The following NRF1 variants were observed in gnomAD, a reference collection of about 807,000 sequenced individuals.
NRF1 encodes the protein alpha palindromic-binding protein.
Under a neutral mutation model 58.5 loss-of-function variants are expected in NRF1, and 5 were observed. The observed-to-expected ratio is 0.09, with a 90% CI of 0.04 to 0.18. The LOEUF is 0.18. Ranked by LOEUF, NRF1 falls within the 10% of genes least tolerant of loss-of-function variation. NRF1 has a pLI of 1.00. For synonymous variants in NRF1, 224 were observed against 246.7 expected (o/e 0.91, Z 0.86); for missense variants, 288 against 657.7 (o/e 0.44, Z 6.15).
chr7:129,751,466 C>A (rs566326862), intron 10 of NRF1, among the ~76,000 whole-genome samples: 1 of 152,220 alleles, frequency 6.6e-6, no homozygotes, highest in African/African-American at 2.4e-5. Flanking sequence ...GAAAATCTTC[C>A]GTGATACTAT....
intron 4 of NRF1, among the ~76,000 whole-genome samples, chr7:129,684,831 G>A (rs550681325): frequency 3.6e-4 from 55 of 152,340 alleles, no homozygotes; most frequent in Middle Eastern, 6.8e-3. Context: ...CAAGGTATGA[G>A]ATAAGGATTC....
intron 10 of NRF1, among the ~76,000 whole-genome samples, chr7:129,736,805 G>C (rs1439203734): frequency 2.0e-5 from 3 of 150,000 alleles, no homozygotes; most frequent in Non-Finnish European, 3.0e-5. Flanking sequence ...ATTTAACTTT[G>C]TAGATACCTG....
At chr7:129,717,122 T>G in intron 8 of NRF1, 97 bp from the exon 9 acceptor site, 1 of 1,195,004 alleles carries the variant, frequency 8.4e-7, no homozygotes, top group Non-Finnish European at 1.2e-6. Context: ...AAAGAGTATG[T>G]GTATTTAGCC....
Position 129,704,872 on chromosome 7 carries a change from T to C in NRF1, c.607-4203T>C, listed in dbSNP as rs144854315. ...ATCTCTCCAGATTAAGGATTAAAAC[T>C]GTGCTGGATTAAAGCCATGATGTTT... On this transcript the variant is annotated intron_variant, in intron 5 of 10. Coordinates refer to ENST00000393232, the MANE Select transcript of NRF1 (RefSeq NM_005011.5). 3.4e-4 allele frequency among the ~76,000 whole-genome samples: 52 copies of C among 152,364 alleles called. 1 individual carries two copies. In the East Asian group the frequency reaches 8.5e-3, roughly 25 times the overall value.
intron 10 of NRF1, among the ~76,000 whole-genome samples, chr7:129,734,273 G>A (rs569420301): frequency 6.6e-6 from 1 of 152,232 alleles, no homozygotes; most frequent in Non-Finnish European, 1.5e-5. Context: ...TTAACACATA[G>A]GGAAGCTGAG....
chr7:129,673,609 C>A (rs1178992393), intron 3 of NRF1, among the ~76,000 whole-genome samples: 1 of 144,178 alleles, frequency 6.9e-6, no homozygotes, highest in Non-Finnish European at 1.5e-5. Context: ...CCCAGCTACT[C>A]GGGAGGCTGA....
chr7:129,708,335 T>C (rs1802998478), intron 5 of NRF1, among the ~76,000 whole-genome samples: 1 of 152,250 alleles, frequency 6.6e-6, no homozygotes, highest in Non-Finnish European at 1.5e-5. Flanking sequence ...GCAGTTGTCT[T>C]TGTGGTTTAA....
chr7:129,637,902 C>T (rs1402641475), intron 1 of NRF1, among the ~76,000 whole-genome samples: 1 of 149,648 alleles, frequency 6.7e-6, no homozygotes, highest in Non-Finnish European at 1.5e-5. Context: ...CATCAGCTAT[C>T]GTTAGTGTTA....
chr7:129,701,968 A>G (rs1169651930), intron 5 of NRF1, among the ~76,000 whole-genome samples: 1 of 152,200 alleles, frequency 6.6e-6, no homozygotes, highest in African/African-American at 2.4e-5. Context: ...CAAGTTATAA[A>G]ATAGTGTACA....
chr7:129,664,974 TA>T (rs1451349573), intron 2 of NRF1, among the ~76,000 whole-genome samples: 1 of 152,070 alleles, frequency 6.6e-6, no homozygotes, highest in Non-Finnish European at 1.5e-5. Flanking sequence ...TAAAGTAAAA[TA>T]ATTTGAGAAA....
rs1190384886 is a variant in NRF1 at position 129,741,906 on chromosome 7, G to A, written c.1349-13112G>A. On this transcript the variant is annotated intron_variant, in intron 10 of 10. Transcript: ENST00000393232. This position sits in a 1 kb window ranked among gnomAD's most constrained non-coding sequence, Gnocchi z 4.0. ...CAGCAGCAGCAGCCTGGCAGAAGCA[G>A]TAATCTGAACAGGATAAACATGCTT... Among the ~76,000 whole-genome samples the A allele has an allele frequency of 6.6e-6, 1 of 152,210 alleles. No individual in the cohort carries two copies. Among genetic ancestry groups the A allele is most frequent in the Admixed American group, 6.5e-5 (1 of 15,286 alleles).
At chr7:129,737,119 T>C (rs1803732529) in intron 10 of NRF1, among the ~76,000 whole-genome samples, 1 of 152,206 alleles carries the variant, frequency 6.6e-6, no homozygotes, top group Non-Finnish European at 1.5e-5. Context: ...TATGTTGGAG[T>C]GCACAGTACT....
intron 5 of NRF1, among the ~76,000 whole-genome samples, chr7:129,694,296 G>A (rs544976910): frequency 1.3e-5 from 2 of 152,228 alleles, no homozygotes; most frequent in South Asian, 4.2e-4. Context: ...CCCCCTCAAC[G>A]TTTTATTGTT....
At chr7:129,733,693 T>A (rs1803639701) in intron 10 of NRF1, among the ~76,000 whole-genome samples, 1 of 152,168 alleles carries the variant, frequency 6.6e-6, no homozygotes, top group East Asian at 1.9e-4. Context: ...TCCTTTATAT[T>A]CTTTTGATTT....
At chr7:129,703,991 A>G (rs1280735153) in intron 5 of NRF1, among the ~76,000 whole-genome samples, 1 of 151,922 alleles carries the variant, frequency 6.6e-6, no homozygotes, top group African/African-American at 2.4e-5. Flanking sequence ...CTTTCCTCTA[A>G]TTATGGTTAC....
chr7:129,614,443 TTGTGTG>T (rs56403369), intron 1 of NRF1, among the ~76,000 whole-genome samples: 11 of 145,746 alleles, frequency 7.5e-5, no homozygotes, highest in Admixed American at 2.7e-4. Context: ...AAATATGTAT[TTGTGTG>T]TGTGTGTGTG....
chr7:129,643,660 C>T (rs1157739331), intron 1 of NRF1, among the ~76,000 whole-genome samples: 1 of 152,196 alleles, frequency 6.6e-6, no homozygotes, highest in East Asian at 1.9e-4. Flanking sequence ...TTCTGGTAAG[C>T]GTCTACATAT....
chr7:129,690,480 G>A lies in NRF1; in HGVS notation c.540G>A (p.Glu180=), dbSNP rs1160405840. ...CAGAACACGCCCCTGCGCCACAGGA[G>A]GTTAACTCAGAACTGCCGCCTCTCA... ...ALAEHAPAPQ[E]VNSELPPLTI... Residue 180 remains glutamate, a synonymous_variant, in exon 5 of 11, where the codon GAG becomes GAA. Coordinates refer to ENST00000393232, the MANE Select transcript of NRF1 (RefSeq NM_005011.5). 6.2e-7 allele frequency: 1 copy of A among 1,614,190 alleles called. No homozygotes were observed. The highest frequency in any genetic ancestry group is 2.2e-5 in the East Asian group (1 of 44,890).
chr7:129,713,325 A>C (rs1387245423), intron 8 of NRF1, among the ~76,000 whole-genome samples: 5 of 152,206 alleles, frequency 3.3e-5, no homozygotes, highest in Admixed American at 2.6e-4. Flanking sequence ...TCTTGACCTC[A>C]TGATCCGCCT....
Sources: allele counts gnomAD v4.1 joint callset (sites outside exome capture counted in the v4.1 genomes callset), GRCh38; gene constraint gnomAD v4.1.1; non-coding constraint Gnocchi (gnomAD v3.1); transcripts MANE v1.5; gene names NCBI Gene and HGNC (gene_info 2026-07-23, HGNC 2026-07-21).